The following TBXAS1 variants were observed in gnomAD, a reference collection of about 807,000 sequenced individuals.
The protein encoded by TBXAS1 is thromboxane A synthase 1.
A neutral mutation model predicts 60.7 loss-of-function variants in TBXAS1; 48 were observed. That is an observed-to-expected ratio of 0.79 (90% confidence interval 0.63 to 1.01). The LOEUF (loss-of-function observed/expected upper bound fraction) is 1.01. Ranked by LOEUF, TBXAS1 falls within the 50% of genes least tolerant of loss-of-function variation. The probability of loss-of-function intolerance (pLI) is 0.00; values close to 1 mark genes in which losing one functional copy is unlikely to be tolerated. For synonymous variants in TBXAS1, 287 were observed against 269.7 expected, an observed-to-expected ratio of 1.06 and a Z score of -0.63; for missense variants, 685 against 686.3, an observed-to-expected ratio of 1.00 and a Z score of 0.02.
intron 1 of TBXAS1, among the ~76,000 whole-genome samples, chr7:139,849,559 A>T (rs1366702034): frequency 6.6e-6 from 1 of 152,096 alleles, no homozygotes; most frequent in Non-Finnish European, 1.5e-5. Context: ...TGTAGGGGCC[A>T]GGTTGGTCCT....
Position 139,955,548 on chromosome 7 carries a change from T to A in TBXAS1, c.629T>A (p.Val210Glu), listed in dbSNP as rs757201633. ...DSWQAPEDPF[V>E]KHCKRFFEFC... ...TGGCAGGCCCCTGAGGATCCCTTTG[T>A]GAAACACTGCAAGCGTTTCTTCGAA... Residue 210 changes from valine to glutamate, a missense_variant, in exon 7 of 13, where the codon GTG (valine) becomes GAG (glutamate). By Grantham distance (121) the Val-to-Glu change is moderately radical (BLOSUM62 -2). Coordinates refer to ENST00000448866, the MANE Select transcript of TBXAS1 (RefSeq NM_001061.7). 22 of 1,614,108 alleles carry A rather than the reference T, an allele frequency of 1.4e-5. No homozygotes were observed. Among genetic ancestry groups the A allele is most frequent in the Non-Finnish European group, 1.8e-5 (21 of 1,180,046 alleles).
intron 10 of TBXAS1, among the ~76,000 whole-genome samples, chr7:140,014,067 T>C (rs745896157): frequency 1.3e-5 from 2 of 152,182 alleles, no homozygotes; most frequent in Non-Finnish European, 2.9e-5. Flanking sequence ...AGGCAGCCCA[T>C]CCTTGGGAAG....
At chr7:140,017,973 G>A (rs544920421) in intron 12 of TBXAS1, 140 bp downstream of exon 12, 45 of 1,117,034 alleles carry the variant, frequency 4.0e-5, no homozygotes, top group East Asian at 5.0e-5. Context: ...AACCTCTCTC[G>A]GCCTCAGTTT....
chr7:139,993,074 G>A (rs1162976288), intron 9 of TBXAS1, among the ~76,000 whole-genome samples: 1 of 152,196 alleles, frequency 6.6e-6, no homozygotes, highest in East Asian at 1.9e-4. Context: ...GCGCACACCT[G>A]TAGTCCCAGC....
intron 4 of TBXAS1, among the ~76,000 whole-genome samples, chr7:139,813,017 A>G (rs1798055773): frequency 1.3e-5 from 2 of 152,036 alleles, no homozygotes; most frequent in African/African-American, 4.8e-5. Flanking sequence ...AGACCATGCC[A>G]CTGCACTCCA....
At chr7:139,959,329 G>A (rs572330497) in intron 8 of TBXAS1, among the ~76,000 whole-genome samples, 5 of 152,282 alleles carry the variant, frequency 3.3e-5, no homozygotes, top group East Asian at 3.9e-4. Flanking sequence ...GTGTGTTTGC[G>A]CAGTGAAAAT....
In TBXAS1 at chr7:139,910,552, G is replaced by A. The variant is rs569702511; in HGVS notation, c.237-673G>A. 4.5e-4 allele frequency among the ~76,000 whole-genome samples: 68 copies of A among 152,270 alleles called. 1 individual carries two copies. The highest frequency in any genetic ancestry group is 1.3e-3 in the East Asian group (7 of 5,186). ...CTCAGGAGGCTGAGGCAGAAGAATC[G>A]CTTGAACCCGGGAGGGGGAGGTTGC... On this transcript the variant is annotated intron_variant, in intron 3 of 12. Transcript: ENST00000448866.
At chr7:139,786,052 T>G (rs933349196) in intron 3 of TBXAS1, among the ~76,000 whole-genome samples, 1 of 139,818 alleles carries the variant, frequency 7.2e-6, no homozygotes, top group African/African-American at 2.7e-5. Flanking sequence ...TATTAGAGGG[T>G]TTTTTTTTTG....
intron 9 of TBXAS1, among the ~76,000 whole-genome samples, chr7:139,992,679 G>A (rs1205332607): frequency 2.6e-5 from 4 of 152,236 alleles, no homozygotes; most frequent in African/African-American, 9.6e-5. Flanking sequence ...AAGCCCTGGG[G>A]GCCTTCGTTT....
At chr7:139,972,244 C>T (rs1026564588) in intron 9 of TBXAS1, among the ~76,000 whole-genome samples, 3 of 152,214 alleles carry the variant, frequency 2.0e-5, no homozygotes, top group African/African-American at 7.2e-5. Context: ...TATGTGGTGT[C>T]TTTCATGTAG....
intron 3 of TBXAS1, among the ~76,000 whole-genome samples, chr7:139,886,386 A>ATTTT (rs8192818): frequency 3.0e-5 from 3 of 99,622 alleles, no homozygotes; most frequent in Non-Finnish European, 6.0e-5. Flanking sequence ...TTGCAGATGA[A>ATTTT]TTTTTTTTTT....
At position 139,957,700 on chromosome 7, in the gene TBXAS1, A is replaced by G; in HGVS notation, c.755A>G (p.Asn252Ser). The change falls in exon 8 of 13, where the codon AAT (asparagine) becomes AGT (serine). Residue 252 changes from asparagine to serine, a missense_variant. By Grantham distance (46) the Asn-to-Ser change is conservative. Coordinates refer to ENST00000448866, the MANE Select transcript of TBXAS1 (RefSeq NM_001061.7). ...CCCAATAAGAACCGAGACGAACTGA[A>G]TGGCTTTTTTAACAAACTCATTAGG... ...ILPNKNRDEL[N>S]GFFNKLIRNV... The G allele has an allele frequency of 6.2e-7, 1 of 1,614,122 alleles. No homozygotes were observed. Among genetic ancestry groups the G allele is most frequent in the Non-Finnish European group, 8.5e-7 (1 of 1,180,024 alleles).
chr7:139,851,067 T>C (rs1421171769), intron 1 of TBXAS1, among the ~76,000 whole-genome samples: 2 of 152,246 alleles, frequency 1.3e-5, no homozygotes, highest in Non-Finnish European at 2.9e-5. Flanking sequence ...AGCCAAAGCA[T>C]CCCATTGGCC....
chr7:139,794,559 A>G (rs1217138440), intron 4 of TBXAS1, among the ~76,000 whole-genome samples: 3 of 149,224 alleles, frequency 2.0e-5, no homozygotes, highest in Non-Finnish European at 4.4e-5. Context: ...ACATGTGCAC[A>G]TTGTGCAGGT....
chr7:139,836,563 G>A (rs1190666578), intron 1 of TBXAS1, among the ~76,000 whole-genome samples: 1 of 152,126 alleles, frequency 6.6e-6, no homozygotes, highest in Non-Finnish European at 1.5e-5. Context: ...ATAAAGTGAG[G>A]AAAGGACACC....
chr7:139,791,024 G>A (rs376530122), intron 4 of TBXAS1, among the ~76,000 whole-genome samples: 2 of 152,188 alleles, frequency 1.3e-5, no homozygotes, highest in East Asian at 1.9e-4. Context: ...TGCTGGTCTC[G>A]AACTCTTGAG....
chr7:139,845,755 C>T (rs1364959765), intron 1 of TBXAS1, among the ~76,000 whole-genome samples: 4 of 151,910 alleles, frequency 2.6e-5, no homozygotes, highest in South Asian at 4.2e-4. Context: ...AATTTCTGGC[C>T]GTGTGCCACT....
chr7:139,881,831 A>G (rs1802722927), intron 3 of TBXAS1, among the ~76,000 whole-genome samples: 2 of 152,214 alleles, frequency 1.3e-5, no homozygotes, highest in East Asian at 1.9e-4. Flanking sequence ...GGTGTCTCAT[A>G]TGCCTCCAAG....
intron 3 of TBXAS1, among the ~76,000 whole-genome samples, chr7:139,878,742 C>A (rs1013109132): frequency 6.6e-6 from 1 of 152,168 alleles, no homozygotes; most frequent in Non-Finnish European, 1.5e-5. Context: ...TTGCAGAGAA[C>A]AATTTAATTT....
Sources: allele counts gnomAD v4.1 joint callset (sites outside exome capture counted in the v4.1 genomes callset), GRCh38; gene constraint gnomAD v4.1.1; transcripts MANE v1.5; gene names NCBI Gene and HGNC (gene_info 2026-07-23, HGNC 2026-07-21).